ADAMTS17: variants seen among roughly 807,000 people sequenced by gnomAD.
ADAMTS17 encodes ADAM metallopeptidase with thrombospondin type 1 motif 17.
In ADAMTS17, 113 loss-of-function variants were observed where a neutral mutation model predicts 141.5. The ratio of observed to expected loss-of-function variants is 0.80; its 90% CI spans 0.69 to 0.93. ADAMTS17 has a LOEUF of 0.93. Ranked by LOEUF, ADAMTS17 falls within the 40% of genes least tolerant of loss-of-function variation. The probability of loss-of-function intolerance (pLI) is 0.00; values close to 1 mark genes in which losing one functional copy is unlikely to be tolerated. For synonymous variants in ADAMTS17, 768 were observed against 630.6 expected, an observed-to-expected ratio of 1.22 and a Z score of -3.27; for missense variants, 1,659 against 1,517.9, an observed-to-expected ratio of 1.09 and a Z score of -1.54.
rs769325145 is a variant in ADAMTS17 at position 99,993,065 on chromosome 15, T to C, written c.2932A>G (p.Thr978Ala). The C allele has an allele frequency of 3.2e-5, 52 of 1,613,962 alleles. 4 individuals are homozygous for C. In the South Asian group the frequency reaches 5.7e-4, roughly 18 times the overall value. Residue 978 changes from threonine to alanine, a missense_variant, in exon 20 of 22, where the codon ACT becomes GCT. Coordinates refer to ENST00000268070, the MANE Select transcript of ADAMTS17 (RefSeq NM_139057.4). The surrounding 1 kb of genome is among the most constrained non-coding windows in gnomAD (Gnocchi z 4.3). Reference sequence around the variant, plus strand: ...GCTCTCACCGTAGACCAGTCCCCAGTTTTCCACTCGTAGCAGCCTGAGTAG... The same window carrying C: ...GCTCTCACCGTAGACCAGTCCCCAGCTTTCCACTCGTAGCAGCCTGAGTAG... ...EDYSGCYEWK[T>A]GDWSTCSSTC...
chr15:100,096,303 G>T, intron 15 of ADAMTS17, 53 bp downstream of exon 15: 4 of 1,608,308 alleles, frequency 2.5e-6, no homozygotes, highest in Non-Finnish European at 3.4e-6. Flanking sequence ...AATAGCTGTA[G>T]GCAAAGGACA....
intron 8 of ADAMTS17, among the ~76,000 whole-genome samples, chr15:100,184,464 A>T (rs2040633856): frequency 6.6e-6 from 1 of 152,110 alleles, no homozygotes; most frequent in African/African-American, 2.4e-5. Context: ...AATCTCTAGG[A>T]TATCTGGTTA....
intron 18 of ADAMTS17, among the ~76,000 whole-genome samples, chr15:100,001,988 C>CAA (rs879343287): frequency 1.8e-3 from 69 of 39,082 alleles, no homozygotes; most frequent in Non-Finnish European, 2.4e-3. Context: ...AAAAAAAGGC[C>CAA]AAACCCAAAA....
chr15:100,335,521 G>C (rs2046181928), intron 2 of ADAMTS17, among the ~76,000 whole-genome samples: 1 of 152,212 alleles, frequency 6.6e-6, no homozygotes, highest in South Asian at 2.1e-4. Context: ...GACAGGGCCT[G>C]CATTGTCTTT....
intron 3 of ADAMTS17, among the ~76,000 whole-genome samples, chr15:100,310,273 G>A (rs2045360089): frequency 6.6e-6 from 1 of 152,170 alleles, no homozygotes; most frequent in Non-Finnish European, 1.5e-5. Context: ...GCCCGCTGTC[G>A]ACCATCAGCC....
chr15:100,067,841 G>C (rs558940080), intron 15 of ADAMTS17, among the ~76,000 whole-genome samples: 1 of 152,284 alleles, frequency 6.6e-6, no homozygotes, highest in East Asian at 1.9e-4. Flanking sequence ...CAGAAGACAG[G>C]TGATTTCTGC....
intron 12 of ADAMTS17, among the ~76,000 whole-genome samples, chr15:100,123,032 A>G (rs1217915775): frequency 6.6e-6 from 1 of 152,228 alleles, no homozygotes; most frequent in East Asian, 1.9e-4. Context: ...GTTTCCACAG[A>G]TGGCTACCTG....
chr15:100,305,161 C>A (rs1422982572), intron 3 of ADAMTS17, among the ~76,000 whole-genome samples: 2 of 152,014 alleles, frequency 1.3e-5, no homozygotes, highest in Non-Finnish European at 2.9e-5. Context: ...ATCCTCAACC[C>A]TGCACATTGT....
At chr15:100,285,245 AAGAC>A (rs1401994224) in intron 3 of ADAMTS17, among the ~76,000 whole-genome samples, 2 of 152,248 alleles carry the variant, frequency 1.3e-5, no homozygotes, top group Non-Finnish European at 2.9e-5. Flanking sequence ...TGAAGAGAAA[AAGAC>A]AGAAATGGAC....
At chr15:100,254,596 A>G (rs2043263341) in intron 6 of ADAMTS17, among the ~76,000 whole-genome samples, 1 of 152,204 alleles carries the variant, frequency 6.6e-6, no homozygotes, top group African/African-American at 2.4e-5. Flanking sequence ...TGTAATGACC[A>G]TGTATTGCTT....
chr15:100,159,196 A>G (rs2039577748), intron 8 of ADAMTS17, among the ~76,000 whole-genome samples: 1 of 152,252 alleles, frequency 6.6e-6, no homozygotes, highest in African/African-American at 2.4e-5. Flanking sequence ...ATTATTCACA[A>G]TAGCCAAGAT....
chr15:100,333,304 G>A (rs902801768), intron 2 of ADAMTS17, among the ~76,000 whole-genome samples: 5 of 152,142 alleles, frequency 3.3e-5, no homozygotes, highest in African/African-American at 9.6e-5. Context: ...GAAAAAATTC[G>A]ACTGAAAATG....
intron 14 of ADAMTS17, among the ~76,000 whole-genome samples, chr15:100,099,000 T>A (rs1412884058): frequency 1.3e-5 from 2 of 152,230 alleles, no homozygotes; most frequent in Non-Finnish European, 2.9e-5. Context: ...GGAGTGAGTC[T>A]CTGGCTTCAG....
chr15:100,059,540 A>T (rs1233084577), intron 15 of ADAMTS17, among the ~76,000 whole-genome samples: 1 of 152,242 alleles, frequency 6.6e-6, no homozygotes, highest in Non-Finnish European at 1.5e-5. Context: ...GAAAAATCAT[A>T]ACTTCCTGCT....
chr15:100,067,555 T>C (rs924912343), intron 15 of ADAMTS17, among the ~76,000 whole-genome samples: 9 of 151,310 alleles, frequency 5.9e-5, no homozygotes, highest in African/African-American at 1.7e-4. Flanking sequence ...GCTATATTAT[T>C]AGTACACATT....
At chr15:99,998,917 TTCC>T (rs1373001933) in intron 18 of ADAMTS17, among the ~76,000 whole-genome samples, 9 of 152,178 alleles carry the variant, frequency 5.9e-5, no homozygotes, top group Admixed American at 5.9e-4. Context: ...AGCCACTCAG[TTCC>T]TCCTCATTAG....
At chr15:100,090,285 A>T (rs1454987309) in intron 15 of ADAMTS17, among the ~76,000 whole-genome samples, 1 of 152,192 alleles carries the variant, frequency 6.6e-6, no homozygotes, top group East Asian at 1.9e-4. Flanking sequence ...ATCTCCACTC[A>T]AACTACCAAA....
At chr15:100,275,840 C>T (rs72633239) in intron 4 of ADAMTS17, among the ~76,000 whole-genome samples, 10,767 of 150,414 alleles carry the variant, frequency 0.072, 598 homozygotes, top group East Asian at 0.22. Flanking sequence ...CCGGAGCAAA[C>T]GCTTGATGCC....
chr15:100,054,367 G>A (rs189070974), intron 15 of ADAMTS17, among the ~76,000 whole-genome samples: 2 of 152,300 alleles, frequency 1.3e-5, no homozygotes, highest in Admixed American at 6.5e-5. Context: ...GGCAGGGAAT[G>A]GAGAAGACCA....
Sources: gnomAD v4.1 joint callset for allele counts (sites outside exome capture counted in the v4.1 genomes callset) on GRCh38, gnomAD v4.1.1 for gene constraint, Gnocchi (gnomAD v3.1) non-coding constraint, MANE v1.5 for transcripts, NCBI Gene and HGNC (gene_info 2026-07-23, HGNC 2026-07-21) for gene names.